The following SLC20A2 variants were observed in gnomAD, a reference collection of about 807,000 sequenced individuals.
SLC20A2 encodes the protein solute carrier family 20 member 2.
A neutral mutation model predicts 61.0 loss-of-function variants in SLC20A2; 30 were observed. That is an observed-to-expected ratio of 0.49 (90% CI 0.37 to 0.67). The LOEUF (loss-of-function observed/expected upper bound fraction) is 0.67, where lower values mean the gene tolerates loss of function less well. Ranked by LOEUF, SLC20A2 falls within the 30% of genes least tolerant of loss-of-function variation. SLC20A2 has a pLI of 0.00. For missense variants in SLC20A2, 626 were observed against 866.4 expected, an observed-to-expected ratio of 0.72 and a Z score of 3.48; for synonymous variants, 351 against 353.3, an observed-to-expected ratio of 0.99 and a Z score of 0.07.
At chr8:42,514,070 A>G (rs920606222) in intron 1 of SLC20A2, among the ~76,000 whole-genome samples, 2 of 152,216 alleles carry the variant, frequency 1.3e-5, no homozygotes. Flanking sequence ...TGGGTCCACT[A>G]TCCTGTAGCT....
chr8:42,526,469 C>A (rs370982151), intron 1 of SLC20A2, among the ~76,000 whole-genome samples: 2 of 151,752 alleles, frequency 1.3e-5, no homozygotes, highest in Non-Finnish European at 2.9e-5. Context: ...GTCAGGAGAT[C>A]GAGACCCTCC....
intron 1 of SLC20A2, among the ~76,000 whole-genome samples, chr8:42,508,695 A>G (rs1160740590): frequency 6.6e-6 from 1 of 152,088 alleles, no homozygotes; most frequent in Non-Finnish European, 1.5e-5. Flanking sequence ...CCGGCCTGGG[A>G]GTGGCATTTG....
At chr8:42,467,715 GGGA>G (rs1051213572) in intron 2 of SLC20A2, among the ~76,000 whole-genome samples, 3 of 152,144 alleles carry the variant, frequency 2.0e-5, no homozygotes, top group African/African-American at 4.8e-5. Context: ...GGCGTGCGTT[GGGA>G]GGAGAAGGGG....
chr8:42,474,852 C>T (rs1178992367), intron 1 of SLC20A2, among the ~76,000 whole-genome samples: 2 of 139,298 alleles, frequency 1.4e-5, no homozygotes, highest in Non-Finnish European at 3.0e-5. Flanking sequence ...AGAGCACAGC[C>T]GGCGGGACAT....
intron 10 of SLC20A2, chr8:42,419,764 CTCTT>C (rs755034719): frequency 1.0e-5 from 8 of 787,206 alleles, no homozygotes; most frequent in East Asian, 2.5e-4. Flanking sequence ...ATGTAAGTTG[CTCTT>C]TTTTTGGCTA....
rs186896643 is a variant in SLC20A2 at position 42,500,231 on chromosome 8, G to C, written c.-265+800C>G. On this transcript the variant is annotated intron_variant, in intron 1 of 10. Coordinates refer to ENST00000520262, the MANE Select transcript of SLC20A2 (RefSeq NM_001257180.2). Reference sequence around the variant, plus strand: ...AGAAATTCCTGCCTGGTTCTCTGCTGTAAGCAAACTGTTTGGCTTGAGGTC... The same window carrying C: ...AGAAATTCCTGCCTGGTTCTCTGCTCTAAGCAAACTGTTTGGCTTGAGGTC... Among the ~76,000 whole-genome samples, 167 of 152,334 alleles carry C rather than the reference G, an allele frequency of 1.1e-3. 1 individual carries two copies. The highest frequency in any genetic ancestry group is 2.5e-3 in the Admixed American group (38 of 15,300).
chr8:42,472,070 T>G lies in SLC20A2; in HGVS notation c.289+32A>C. The G allele has an allele frequency of 6.3e-7, 1 of 1,598,698 alleles. No individual in the cohort carries two copies. Among genetic ancestry groups the G allele is most frequent in the Non-Finnish European group, 8.6e-7 (1 of 1,168,968 alleles). ...GCAGGGAAGCGGGTCAGTGGGCGGA[T>G]GTCCCATCGGTATAGAGAAGAGGCT... On this transcript the variant is annotated intron_variant, in intron 2 of 10. Coordinates refer to ENST00000520262, the MANE Select transcript of SLC20A2 (RefSeq NM_001257180.2). This position sits in a 1 kb window ranked among gnomAD's most constrained non-coding sequence, Gnocchi z 4.1.
At chr8:42,530,496 T>G (rs1812251377) in intron 1 of SLC20A2, among the ~76,000 whole-genome samples, 1 of 152,180 alleles carries the variant, frequency 6.6e-6, no homozygotes, top group Non-Finnish European at 1.5e-5. Context: ...AAGTAGTCAT[T>G]GCGAAGACCT....
At chr8:42,467,376 T>G (rs1205829814) in intron 2 of SLC20A2, among the ~76,000 whole-genome samples, 1 of 152,134 alleles carries the variant, frequency 6.6e-6, no homozygotes, top group Non-Finnish European at 1.5e-5. Context: ...GATTTTGTAG[T>G]GAGTATTAAA....
chr8:42,490,761 C>T (rs547723297), intron 1 of SLC20A2, among the ~76,000 whole-genome samples: 1 of 152,132 alleles, frequency 6.6e-6, no homozygotes, highest in Non-Finnish European at 1.5e-5. Context: ...GGTGAGTTGC[C>T]GGGCACGCTG....
rs1351577332 is a variant in SLC20A2, at chr8:42,522,198, G to A, written c.-265+19623C>T. On this transcript the variant is annotated intron_variant, in intron 1 of 10. Transcript: ENST00000342228. The stretch of plus-strand genomic sequence containing the variant: ...TGAGCAAGCAGTTATCACGTCCCAG[G>A]TACTAGAGCCTATCTCATTTAACTC... Among the ~76,000 whole-genome samples, 2 of 120,684 alleles carry A rather than the reference G, an allele frequency of 1.7e-5. 1 individual carries two copies. The highest frequency in any genetic ancestry group is 4.0e-5 in the Non-Finnish European group (2 of 50,268). The allele number at this position is 120,684 out of a possible 152,430, so 79.2% of individuals were successfully genotyped here. A position where few individuals can be genotyped will look rare whatever the true frequency, so the allele number is the denominator to read the frequency against.
intron 1 of SLC20A2, among the ~76,000 whole-genome samples, chr8:42,484,290 A>G (rs1430040068): frequency 6.6e-6 from 1 of 152,226 alleles, no homozygotes; most frequent in African/African-American, 2.4e-5. Flanking sequence ...TTGGCAGTAT[A>G]AACACACTAA....
At position 42,525,970 on chromosome 8, in the gene SLC20A2, T is replaced by G. The variant is rs961546011; in HGVS notation, c.-265+15851A>C. 2.0e-5 allele frequency among the ~76,000 whole-genome samples: 3 copies of G among 152,274 alleles called. No homozygotes were observed. The South Asian group carries it at 6.2e-4, about 32-fold the overall frequency. ...ATGTTGAATAAAGAAATGGAGGAGA[T>G]AGATACAGCTCCTGTACAGAACTCC... On this transcript the variant is annotated intron_variant, in intron 1 of 10. Coordinates refer to the SLC20A2 transcript ENST00000342228.
intron 1 of SLC20A2, among the ~76,000 whole-genome samples, chr8:42,498,432 T>A (rs1370873468): frequency 1.3e-5 from 2 of 152,128 alleles, no homozygotes; most frequent in Non-Finnish European, 1.5e-5. Flanking sequence ...CTTGTTTCCC[T>A]TTTCTTCATT....
At chr8:42,498,319 A>T (rs1227649853) in intron 1 of SLC20A2, among the ~76,000 whole-genome samples, 1 of 152,188 alleles carries the variant, frequency 6.6e-6, no homozygotes, top group African/African-American at 2.4e-5. Flanking sequence ...ATGGAGGAGA[A>T]AGGGAAGGCA....
At chr8:42,422,119 C>T (rs1309199581) in intron 10 of SLC20A2, among the ~76,000 whole-genome samples, 2 of 152,178 alleles carry the variant, frequency 1.3e-5, no homozygotes, top group Non-Finnish European at 2.9e-5. Flanking sequence ...GTGGCACAAT[C>T]TCAGCTCACT....
intron 5 of SLC20A2, among the ~76,000 whole-genome samples, chr8:42,447,497 G>C (rs1346118700): frequency 6.6e-6 from 1 of 151,930 alleles, no homozygotes; most frequent in Admixed American, 6.6e-5. Flanking sequence ...CTAACACGGT[G>C]AAACCCCGTC....
chr8:42,511,891 C>A (rs953695765), intron 1 of SLC20A2, among the ~76,000 whole-genome samples: 4 of 151,966 alleles, frequency 2.6e-5, no homozygotes, highest in African/African-American at 9.7e-5. Flanking sequence ...ACCAAAAAAA[C>A]CATAAAACCA....
chr8:42,539,830 AAG>A (rs1180391563), intron 1 of SLC20A2, among the ~76,000 whole-genome samples: 1 of 152,210 alleles, frequency 6.6e-6, no homozygotes, highest in African/African-American at 2.4e-5. Flanking sequence ...TCTGATAAAT[AAG>A]AGACACGGGG....
Sources: gnomAD v4.1 joint callset for allele counts (sites outside exome capture counted in the v4.1 genomes callset) on GRCh38, gnomAD v4.1.1 for gene constraint, Gnocchi (gnomAD v3.1) non-coding constraint, MANE v1.5 for transcripts, NCBI Gene and HGNC (gene_info 2026-07-23, HGNC 2026-07-21) for gene names.